PGPEP1: variants seen among roughly 807,000 people sequenced by gnomAD.
The protein encoded by PGPEP1 is pyroglutamyl-peptidase I.
A neutral mutation model predicts 24.1 loss-of-function variants in PGPEP1; 15 were observed. That is an observed-to-expected ratio of 0.62 (90% CI 0.42 to 0.96). PGPEP1 has a LOEUF of 0.96. Ranked by LOEUF, PGPEP1 falls within the 40% of genes least tolerant of loss-of-function variation. PGPEP1 has a pLI of 0.00. For missense variants in PGPEP1, 242 were observed against 273.4 expected, an observed-to-expected ratio of 0.89 and a Z score of 0.81; for synonymous variants, 122 against 116.4, an observed-to-expected ratio of 1.05 and a Z score of -0.31.
At chr19:18,356,591 T>A (rs1300777727) in intron 3 of PGPEP1, among the ~76,000 whole-genome samples, 1 of 150,422 alleles carries the variant, frequency 6.6e-6, no homozygotes, top group Non-Finnish European at 1.5e-5. Flanking sequence ...TACAAAAAAA[T>A]TTAAAAATTA....
intron 2 of PGPEP1, among the ~76,000 whole-genome samples, chr19:18,349,721 A>T (rs1970967340): frequency 6.6e-6 from 1 of 152,158 alleles, no homozygotes; most frequent in South Asian, 2.1e-4. Context: ...CCTTGCCCAG[A>T]AGGTGGCACA....
In PGPEP1 at chr19:18,340,643, C is replaced by A. The variant is rs754292740; in HGVS notation, c.-39C>A. 2 of 1,520,084 alleles carry A rather than the reference C, an allele frequency of 1.3e-6. No individual in the cohort carries two copies. The highest frequency in any genetic ancestry group is 1.4e-5 in the African/African-American group (1 of 69,522). The allele number at this position is 1,520,084 out of a possible 1,614,324, so 94.2% of individuals were successfully genotyped here. A position where few individuals can be genotyped will look rare whatever the true frequency, so the allele number is the denominator to read the frequency against. On this transcript the variant is annotated 5_prime_UTR_variant, in exon 1 of 5. Coordinates refer to ENST00000269919, the MANE Select transcript of PGPEP1 (RefSeq NM_017712.4). ...CAGCGGCAGCAGCTGTCGCGCCAGTCGCAACAGAAGCAGGTCCGAGGCACA... is the reference window on the plus strand; with the variant it reads ...CAGCGGCAGCAGCTGTCGCGCCAGTAGCAACAGAAGCAGGTCCGAGGCACA...
chr19:18,362,020 T>C (rs1971358785), intron 4 of PGPEP1: 1 of 270,212 alleles, frequency 3.7e-6, no homozygotes, highest in African/African-American at 2.3e-5. Context: ...GGTTGCTTTC[T>C]GTTTTCCTGC....
intron 4 of PGPEP1, 76 bp downstream of exon 4, chr19:18,357,691 C>A (rs117641542): frequency 9.2e-7 from 1 of 1,084,940 alleles, no homozygotes; most frequent in Non-Finnish European, 1.4e-6. Flanking sequence ...ACAAGCCAAG[C>A]GTGTTGACCT....
At chr19:18,358,336 C>T (rs1600219610) in intron 4 of PGPEP1, among the ~76,000 whole-genome samples, 1 of 143,070 alleles carries the variant, frequency 7.0e-6, no homozygotes, top group East Asian at 2.1e-4. Flanking sequence ...TCTCAGCTCA[C>T]TGCAACCTCC....
In PGPEP1 at chr19:18,363,408, C is replaced by T. The variant is rs755534039; in HGVS notation, c.455C>T (p.Thr152Ile). The change falls in exon 5 of 5, where the codon ACC becomes ATC. Residue 152 changes from threonine to isoleucine, a missense_variant. Thr to Ile is a moderately conservative substitution (Grantham distance 89, BLOSUM62 -1). Coordinates refer to ENST00000269919, the MANE Select transcript of PGPEP1 (RefSeq NM_017712.4). Reference protein sequence around the residue: ...QDAGRYLCDFTYYTSLYQSHG... With the variant: ...QDAGRYLCDFIYYTSLYQSHG... ...CGGCTTAGATATCTCTGCGACTTTA[C>T]CTACTACACCTCTTTGTACCAGAGT... The T allele has an allele frequency of 3.1e-6, 5 of 1,609,750 alleles. No homozygotes were observed. Among genetic ancestry groups the T allele is most frequent in the South Asian group, 2.2e-5 (2 of 91,000 alleles).
At chr19:18,354,000 C>T (rs1378835776) in intron 2 of PGPEP1, among the ~76,000 whole-genome samples, 5 of 152,100 alleles carry the variant, frequency 3.3e-5, no homozygotes, top group Admixed American at 3.3e-4. Flanking sequence ...TTTGGGAGGC[C>T]AAGGCAGGTG....
intron 2 of PGPEP1, among the ~76,000 whole-genome samples, chr19:18,348,567 A>G (rs12459368): frequency 0.23 from 35,676 of 151,918 alleles, 5,033 homozygotes; most frequent in South Asian, 0.45. Flanking sequence ...GAGGAGAACC[A>G]TCCAACCCTT....
At chr19:18,346,633 CTTTTTTTTTTTT>C (rs775309565) in intron 2 of PGPEP1, among the ~76,000 whole-genome samples, 2 of 79,476 alleles carry the variant, frequency 2.5e-5, no homozygotes, top group East Asian at 9.3e-4. Context: ...CTGTTTCTCT[CTTTTTTTTTTTT>C]TTTTTTTTTT....
chr19:18,340,681 C>T lies in PGPEP1; in HGVS notation c.-1C>T, dbSNP rs1209236517. On this transcript the variant is annotated 5_prime_UTR_variant, in exon 1 of 5. Coordinates refer to ENST00000269919, the MANE Select transcript of PGPEP1 (RefSeq NM_017712.4). ...GGTCCGAGGCACAGCCCGATCCCGC[C>T]ATGGAGCAGCCGAGGAAGGCGGTGG... 1 of 1,543,184 alleles carries T rather than the reference C, an allele frequency of 6.5e-7. No homozygotes were observed. The highest frequency in any genetic ancestry group is 1.9e-5 in the Admixed American group (1 of 51,754).
chr19:18,361,426 A>C (rs1319930197), intron 4 of PGPEP1, among the ~76,000 whole-genome samples: 2 of 151,936 alleles, frequency 1.3e-5, no homozygotes, highest in Admixed American at 1.3e-4. Flanking sequence ...GGCGTGAGCC[A>C]CCGCGCCCGG....
At chr19:18,347,578 T>TTC (rs1970888178) in intron 2 of PGPEP1, among the ~76,000 whole-genome samples, 1 of 151,372 alleles carries the variant, frequency 6.6e-6, no homozygotes, top group African/African-American at 2.4e-5. Context: ...CTCTTTCCCC[T>TTC]TCTCTCTCTC....
intron 2 of PGPEP1, among the ~76,000 whole-genome samples, chr19:18,354,733 G>A (rs1268681479): frequency 2.6e-5 from 4 of 152,046 alleles, no homozygotes; most frequent in Non-Finnish European, 5.9e-5. Context: ...GCCCAGGCTG[G>A]TCTCAAACTC....
rs1310300982 is a variant in PGPEP1, at chr19:18,363,468, T to C, written c.515T>C (p.Leu172Pro). ...GRSAFVHVPP[L>P]GKPYNADQLG... ...TCAGCCTTCGTCCACGTGCCCCCAC[T>C]GGGGAAGCCGTACAACGCGGACCAG... The change falls in exon 5 of 5, where the codon CTG becomes CCG. Residue 172 changes from leucine to proline, a missense_variant. Physicochemically the swap from Leu to Pro is moderately conservative, Grantham distance 98 (BLOSUM62 -3). Transcript: ENST00000269919. The C allele has an allele frequency of 1.2e-6, 2 of 1,614,074 alleles. No homozygotes were observed. Among genetic ancestry groups the C allele is most frequent in the East Asian group, 2.2e-5 (1 of 44,882 alleles).
At chr19:18,361,163 G>A (rs1207325968) in intron 4 of PGPEP1, among the ~76,000 whole-genome samples, 1 of 150,432 alleles carries the variant, frequency 6.6e-6, no homozygotes, top group South Asian at 2.1e-4. Flanking sequence ...AAAGACAAGA[G>A]TTTCGCTCTT....
In PGPEP1 at chr19:18,365,754, T is replaced by C; in HGVS notation, c.*2171T>C. 1 of 152,164 alleles carries C rather than the reference T, an allele frequency of 6.6e-6. No homozygotes were observed. The highest frequency in any genetic ancestry group is 1.9e-4 in the East Asian group (1 of 5,196). 9.4% of individuals were successfully genotyped at this position (152,164 alleles called of 1,614,324 possible). A position where few individuals can be genotyped will look rare whatever the true frequency, so the allele number is the denominator to read the frequency against. Reference sequence around the variant, plus strand: ...TACCTCTGTTGGGTTTCTAGATAGTTTGGGAACGGGGTTGATGGGTTTCTG... The same window carrying C: ...TACCTCTGTTGGGTTTCTAGATAGTCTGGGAACGGGGTTGATGGGTTTCTG... On this transcript the variant is annotated 3_prime_UTR_variant, in exon 5 of 5. Transcript: ENST00000269919.
chr19:18,358,192 G>C (rs557591139), intron 4 of PGPEP1: 1 of 157,070 alleles, frequency 6.4e-6, no homozygotes, highest in Non-Finnish European at 1.4e-5. Context: ...GTGTGTGGCC[G>C]TGTGGTCTTC....
At chr19:18,359,986 G>A (rs1971296862) in intron 4 of PGPEP1, among the ~76,000 whole-genome samples, 1 of 152,156 alleles carries the variant, frequency 6.6e-6, no homozygotes, top group African/African-American at 2.4e-5. Context: ...GCTGAAGGAA[G>A]GAATGCCTGG....
intron 4 of PGPEP1, among the ~76,000 whole-genome samples, chr19:18,359,595 C>T (rs1971285032): frequency 1.3e-5 from 2 of 152,020 alleles, no homozygotes; most frequent in South Asian, 2.1e-4. Context: ...GCAACCTCCG[C>T]CTCTGACGTT....
Sources: allele counts gnomAD v4.1 joint callset (sites outside exome capture counted in the v4.1 genomes callset), GRCh38; gene constraint gnomAD v4.1.1; transcripts MANE v1.5; gene names NCBI Gene and HGNC (gene_info 2026-07-23, HGNC 2026-07-21).